Variants in OSBPL9 observed in about 807,000 individuals in gnomAD.
OSBPL9 encodes the protein oxysterol-binding protein-related protein 9.
Under a neutral mutation model 106.6 loss-of-function variants are expected in OSBPL9, and 40 were observed. That is an observed-to-expected ratio of 0.38 (90% CI 0.29 to 0.49). The LOEUF is 0.49. Ranked by LOEUF, OSBPL9 falls within the 20% of genes least tolerant of loss-of-function variation. The pLI is 0.97. For missense variants in OSBPL9, 609 were observed against 887.2 expected (o/e 0.69, Z 3.98); for synonymous variants, 269 against 295.4 (o/e 0.91, Z 0.92).
chr1:51,589,866 T>A (rs969916382), intron 1 of OSBPL9, among the ~76,000 whole-genome samples: 1 of 151,858 alleles, frequency 6.6e-6, no homozygotes, highest in Non-Finnish European at 1.5e-5. Flanking sequence ...ACCCCATCTC[T>A]ACTAAAAATA....
chr1:51,650,074 G>A (rs771694144), intron 1 of OSBPL9, among the ~76,000 whole-genome samples: 2 of 151,786 alleles, frequency 1.3e-5, no homozygotes, highest in African/African-American at 2.4e-5. Context: ...ATAGAGTTTC[G>A]CCATGTTGCC....
chr1:51,564,244 G>A, the OSBPL9 span, among the ~76,000 whole-genome samples: 1 of 151,940 alleles, frequency 6.6e-6, no homozygotes, highest in Non-Finnish European at 1.5e-5. Context: ...GAGGCTTTAA[G>A]CACTTCCAAT....
intron 4 of OSBPL9, among the ~76,000 whole-genome samples, chr1:51,725,308 C>T (rs1484371481): frequency 9.2e-5 from 14 of 152,032 alleles, no homozygotes; most frequent in Admixed American, 8.5e-4. Context: ...TGTCTTTCTG[C>T]TTACATTGCC....
chr1:51,726,217 G>T (rs1298659204), intron 4 of OSBPL9, among the ~76,000 whole-genome samples: 1 of 152,122 alleles, frequency 6.6e-6, no homozygotes, highest in African/African-American at 2.4e-5. Context: ...CTCTATATTT[G>T]CCTGTTGGTC....
At chr1:51,565,334 A>G in the OSBPL9 span, among the ~76,000 whole-genome samples, 518 of 152,242 alleles carry the variant, frequency 3.4e-3, 2 homozygotes, top group African/African-American at 0.012. Context: ...TACTGCTGTC[A>G]GTTTTTTACA....
the OSBPL9 span, among the ~76,000 whole-genome samples, chr1:51,562,301 A>T: frequency 6.6e-6 from 1 of 150,914 alleles, no homozygotes; most frequent in Non-Finnish European, 1.5e-5. Context: ...ATTGTGTAGC[A>T]CCTCCCCCCT....
At chr1:51,680,604 T>C (rs1432893562) in intron 3 of OSBPL9, among the ~76,000 whole-genome samples, 1 of 151,904 alleles carries the variant, frequency 6.6e-6, no homozygotes, top group Non-Finnish European at 1.5e-5. Context: ...GAGGTTGCAG[T>C]GAGCTGAGAT....
At chr1:51,712,215 G>A (rs550587877) in intron 3 of OSBPL9, among the ~76,000 whole-genome samples, 9 of 152,316 alleles carry the variant, frequency 5.9e-5, no homozygotes, top group East Asian at 5.8e-4. Flanking sequence ...GCTGGAGACC[G>A]GCCCGGCCAA....
At chr1:51,630,241 C>CT (rs944806029) in intron 1 of OSBPL9, among the ~76,000 whole-genome samples, 5 of 151,994 alleles carry the variant, frequency 3.3e-5, no homozygotes, top group African/African-American at 1.2e-4. Context: ...TGGTAAGATG[C>CT]TTTTTTGGTC....
Position 51,602,018 on chromosome 1 carries a change from C to CTTTTTTTTTTTTTTTTT in OSBPL9, c.-353+3829_-353+3845dup, listed in dbSNP as rs758760414. ...AGTCAATTGTTCCATTCTTGGGGTTCTTTTTTTTTTTTTTTTTTTTGAGAC... is the reference window on the plus strand; with the variant it reads ...AGTCAATTGTTCCATTCTTGGGGTTCTTTTTTTTTTTTTTTTTTTTTTTTTTTTTTTTTTTTTGAGAC... On this transcript the variant is annotated intron_variant, in intron 2 of 25. Coordinates refer to the OSBPL9 transcript ENST00000371714. 2.0e-3 allele frequency among the ~76,000 whole-genome samples: 150 copies of CTTTTTTTTTTTTTTTTT among 76,392 alleles called. 26 individuals are homozygous for CTTTTTTTTTTTTTTTTT. Among genetic ancestry groups the CTTTTTTTTTTTTTTTTT allele is most frequent in the Non-Finnish European group, 2.6e-3 (115 of 44,190 alleles). 50.1% of individuals were successfully genotyped at this position (76,392 alleles called of 152,430 possible).
In OSBPL9 at chr1:51,669,421, C is replaced by T; in HGVS notation, c.163-13C>T. On this transcript the variant is annotated splice_polypyrimidine_tract_variant and intron_variant, in intron 2 of 23. Transcript: ENST00000428468. ...TTGTTTGCCTTATTGGGATTTTGCTCTTTGTTTCACAGGGAGCTGTGATTG... is the reference window on the plus strand; with the variant it reads ...TTGTTTGCCTTATTGGGATTTTGCTTTTTGTTTCACAGGGAGCTGTGATTG... The T allele has an allele frequency of 2.5e-6, 4 of 1,612,880 alleles. No individual in the cohort carries two copies. The highest frequency in any genetic ancestry group is 3.4e-6 in the Non-Finnish European group (4 of 1,179,246).
rs140226543 is a variant in OSBPL9, at chr1:51,700,943, A to C, written c.242-13060A>C. ...CAGTCCTTCTACACTTATTCATTGT[A>C]ATTTTTTTTTTTTGAGATGGAGTCT... is the stretch of plus-strand genomic sequence containing the variant. On this transcript the variant is annotated intron_variant, in intron 3 of 23. Transcript: ENST00000428468. 8.6e-3 allele frequency among the ~76,000 whole-genome samples: 1,304 copies of C among 151,638 alleles called. 16 individuals carry two copies. Among genetic ancestry groups the C allele is most frequent in the Non-Finnish European group, 0.015 (1,015 of 67,884 alleles).
intron 8 of OSBPL9, 84 bp from the exon 9 acceptor site, chr1:51,756,236 A>G (rs1459398308): frequency 3.2e-5 from 38 of 1,170,956 alleles, no homozygotes; most frequent in Non-Finnish European, 4.8e-5. Context: ...CTTACCTAGT[A>G]AATAAGCTTT....
intron 12 of OSBPL9, among the ~76,000 whole-genome samples, chr1:51,766,641 G>A (rs1672615810): frequency 6.6e-6 from 1 of 152,196 alleles, no homozygotes; most frequent in Non-Finnish European, 1.5e-5. Flanking sequence ...GCTGCCCAAT[G>A]TGCTAGAAGC....
chr1:51,586,165 C>A (rs1043890460), intron 1 of OSBPL9, among the ~76,000 whole-genome samples: 2 of 151,622 alleles, frequency 1.3e-5, no homozygotes, highest in African/African-American at 2.4e-5. Context: ...CAGAGTGAGA[C>A]TGTGTCTCAA....
chr1:51,707,982 C>T, intron 3 of OSBPL9: 1 of 250,522 alleles, frequency 4.0e-6, no homozygotes, highest in Non-Finnish European at 8.1e-6. Flanking sequence ...TGCCATGGAA[C>T]TTGCCATGGG....
At chr1:51,555,220 AG>A in the OSBPL9 span, among the ~76,000 whole-genome samples, 2 of 152,096 alleles carry the variant, frequency 1.3e-5, no homozygotes, top group Non-Finnish European at 2.9e-5. Context: ...GGCTGGGCGC[AG>A]TGGCTCACCC....
chr1:51,533,369 C>T, the OSBPL9 span, among the ~76,000 whole-genome samples: 3 of 151,348 alleles, frequency 2.0e-5, no homozygotes, highest in African/African-American at 7.3e-5. Flanking sequence ...GCCTGTAGTC[C>T]CAGCTACTCT....
chr1:51,703,212 A>T (rs1475259813), intron 3 of OSBPL9, among the ~76,000 whole-genome samples: 2 of 152,194 alleles, frequency 1.3e-5, no homozygotes, highest in Non-Finnish European at 2.9e-5. Flanking sequence ...GATGGCATTG[A>T]ATCTATAAAT....
Sources: allele counts gnomAD v4.1 joint callset (sites outside exome capture counted in the v4.1 genomes callset), GRCh38; gene constraint gnomAD v4.1.1; transcripts MANE v1.5; gene names NCBI Gene and HGNC (gene_info 2026-07-23, HGNC 2026-07-21).